ZNF385D: variants seen among roughly 807,000 people sequenced by gnomAD.
ZNF385D encodes zinc finger protein 385D, also known as zinc finger protein 659.
Under a neutral mutation model 35.8 loss-of-function variants are expected in ZNF385D, and 15 were observed. That is an observed-to-expected ratio of 0.42 (90% confidence interval 0.28 to 0.64). The LOEUF (loss-of-function observed/expected upper bound fraction) is 0.64. Ranked by LOEUF, ZNF385D falls within the 30% of genes least tolerant of loss-of-function variation. ZNF385D has a pLI of 0.23. For synonymous variants in ZNF385D, 212 were observed against 186.8 expected, an observed-to-expected ratio of 1.13 and a Z score of -1.10; for missense variants, 474 against 494.6, an observed-to-expected ratio of 0.96 and a Z score of 0.39.
At chr3:21,966,097 T>C (rs1283813866) in intron 3 of ZNF385D, among the ~76,000 whole-genome samples, 2 of 152,166 alleles carry the variant, frequency 1.3e-5, no homozygotes, top group Admixed American at 6.5e-5. Flanking sequence ...CAAATCTTAT[T>C]TTGAATTTCA....
chr3:21,737,525 A>G (rs975711328), intron 1 of ZNF385D, among the ~76,000 whole-genome samples: 9 of 152,110 alleles, frequency 5.9e-5, no homozygotes, highest in Admixed American at 3.3e-4. Context: ...TGTATACGAA[A>G]TATATACACA....
chr3:22,130,487 G>T (rs934881801), intron 3 of ZNF385D, among the ~76,000 whole-genome samples: 1 of 152,142 alleles, frequency 6.6e-6, no homozygotes, highest in South Asian at 2.1e-4. Flanking sequence ...AACTGGGACG[G>T]ATGATTTCCC....
intron 3 of ZNF385D, among the ~76,000 whole-genome samples, chr3:21,891,206 T>C (rs259526): frequency 0.14 from 21,711 of 152,150 alleles, 1,796 homozygotes; most frequent in Middle Eastern, 0.18. Flanking sequence ...TAAACAGATA[T>C]TTCGTTATTG....
At chr3:21,868,181 A>C (rs967074223) in intron 3 of ZNF385D, among the ~76,000 whole-genome samples, 1 of 152,142 alleles carries the variant, frequency 6.6e-6, no homozygotes, top group African/African-American at 2.4e-5. Context: ...AAGCTCGTGC[A>C]CGATGCAGTC....
chr3:22,219,560 A>G (rs932266479), intron 2 of ZNF385D, among the ~76,000 whole-genome samples: 1 of 152,166 alleles, frequency 6.6e-6, no homozygotes, highest in Non-Finnish European at 1.5e-5. Flanking sequence ...GTATCATTAA[A>G]TAGTACTGTA....
At chr3:21,838,324 G>A (rs1695452531) in intron 3 of ZNF385D, among the ~76,000 whole-genome samples, 1 of 152,038 alleles carries the variant, frequency 6.6e-6, no homozygotes, top group South Asian at 2.1e-4. Flanking sequence ...GGAGGATCTG[G>A]GAGATAAGTA....
chr3:21,860,276 T>A (rs1433747875), intron 3 of ZNF385D, among the ~76,000 whole-genome samples: 3 of 152,142 alleles, frequency 2.0e-5, no homozygotes, highest in Non-Finnish European at 2.9e-5. Flanking sequence ...ACTGTCTCAC[T>A]GCAATTCAAA....
rs987894751 is a variant in ZNF385D, at chr3:21,505,185, T to C, written c.439+5676A>G. 7.2e-5 allele frequency among the ~76,000 whole-genome samples: 11 copies of C among 152,196 alleles called. No individual in the cohort carries two copies. In the South Asian group the frequency reaches 2.3e-3, roughly 32 times the overall value. On this transcript the variant is annotated intron_variant, in intron 4 of 7. Transcript: ENST00000281523. ...GATGAGGACTGGTTTTTTTCATTTG[T>C]TTGTTTGTTTTTTGAATCTGTTAAG... is the stretch of plus-strand genomic sequence containing the variant.
chr3:22,184,209 A>G (rs1695475116), intron 2 of ZNF385D, among the ~76,000 whole-genome samples: 1 of 152,176 alleles, frequency 6.6e-6, no homozygotes, highest in Admixed American at 6.6e-5. Context: ...AAGGAGGTGA[A>G]CAAATGATCT....
At chr3:22,264,775 C>G (rs1169336273) in intron 2 of ZNF385D, among the ~76,000 whole-genome samples, 1 of 151,896 alleles carries the variant, frequency 6.6e-6, no homozygotes, top group Non-Finnish European at 1.5e-5. Context: ...CAGCAATGAA[C>G]TGCATTGAAA....
chr3:21,691,527 T>G (rs560865369), intron 1 of ZNF385D, among the ~76,000 whole-genome samples: 2 of 152,242 alleles, frequency 1.3e-5, no homozygotes, highest in African/African-American at 4.8e-5. Flanking sequence ...CCTTTTCTCC[T>G]TTCTTTCTTC....
At chr3:22,142,892 G>C (rs1407156465) in intron 3 of ZNF385D, among the ~76,000 whole-genome samples, 1 of 151,882 alleles carries the variant, frequency 6.6e-6, no homozygotes, top group South Asian at 2.1e-4. Context: ...ATAAAGAATA[G>C]CAATAGTAAC....
chr3:21,655,590 G>C (rs1054364750), intron 2 of ZNF385D, among the ~76,000 whole-genome samples: 13 of 152,070 alleles, frequency 8.5e-5, no homozygotes, highest in African/African-American at 3.1e-4. Flanking sequence ...ATCACAGCCA[G>C]ACTCTCATTC....
intron 3 of ZNF385D, among the ~76,000 whole-genome samples, chr3:22,141,032 A>C (rs1404152035): frequency 6.6e-6 from 1 of 152,222 alleles, no homozygotes; most frequent in Non-Finnish European, 1.5e-5. Flanking sequence ...TGTCCTGAGC[A>C]ATTTATAGTA....
intron 3 of ZNF385D, among the ~76,000 whole-genome samples, chr3:21,791,683 AAAGTTT>A: frequency 6.6e-6 from 1 of 152,220 alleles, no homozygotes; most frequent in Admixed American, 6.5e-5. Flanking sequence ...CAAAGTTTAG[AAAGTTT>A]AAGTAATAGT....
chr3:21,855,115 A>C (rs1342205833), intron 3 of ZNF385D, among the ~76,000 whole-genome samples: 1 of 151,920 alleles, frequency 6.6e-6, no homozygotes, highest in African/African-American at 2.4e-5. Flanking sequence ...TTGTTATCAA[A>C]AGCTACATTA....
At chr3:21,994,517 T>A (rs1056924277) in intron 3 of ZNF385D, among the ~76,000 whole-genome samples, 5 of 152,168 alleles carry the variant, frequency 3.3e-5, no homozygotes, top group African/African-American at 1.2e-4. Context: ...ATTTTATATT[T>A]TTTTTTAGGC....
chr3:22,038,931 A>C (rs1698499387), intron 3 of ZNF385D, among the ~76,000 whole-genome samples: 1 of 150,242 alleles, frequency 6.7e-6, no homozygotes, highest in African/African-American at 2.4e-5. Context: ...TAACAAAGTT[A>C]TAATAAATAT....
intron 3 of ZNF385D, among the ~76,000 whole-genome samples, chr3:21,781,812 C>A (rs2071499127): frequency 6.9e-6 from 1 of 144,408 alleles, no homozygotes; most frequent in African/African-American, 2.5e-5. Context: ...AAGTAGATTT[C>A]TGGCCCATAG....
Sources: allele counts gnomAD v4.1 joint callset (sites outside exome capture counted in the v4.1 genomes callset), GRCh38; gene constraint gnomAD v4.1.1; transcripts MANE v1.5; gene names NCBI Gene and HGNC (gene_info 2026-07-23, HGNC 2026-07-21).